The following AS3MT variants were observed in gnomAD, a reference collection of about 807,000 sequenced individuals.
The protein encoded by AS3MT is arsenite methyltransferase.
A neutral mutation model predicts 45.3 loss-of-function variants in AS3MT; 47 were observed. The observed-to-expected ratio is 1.04, with a 90% CI of 0.82 to 1.32. AS3MT has a LOEUF of 1.32. Ranked by LOEUF, AS3MT falls within the 40% of genes most tolerant of loss-of-function variation. The probability of loss-of-function intolerance (pLI) is 0.00; values close to 1 mark genes in which losing one functional copy is unlikely to be tolerated. For missense variants in AS3MT, 396 were observed against 451.1 expected (o/e 0.88, Z 1.11); for synonymous variants, 141 against 152.8 (o/e 0.92, Z 0.57).
At chr10:102,890,070 G>A (rs543993796) in intron 9 of AS3MT, among the ~76,000 whole-genome samples, 2 of 146,392 alleles carry the variant, frequency 1.4e-5, no homozygotes, top group African/African-American at 5.1e-5. Context: ...GCACGATCTC[G>A]GCTCACTGCA....
Position 102,869,807 on chromosome 10 carries a change from G to A in AS3MT, c.4G>A (p.Ala2Thr), listed in dbSNP as rs1844646401. ...ACTAACTTTCCCGCTCCCGACAGTG[G>A]CTGCACTTCGTGACGCTGAGATACA... M[A>T]ALRDAEIQKD... Residue 2 changes from alanine (A) to threonine (T), a missense_variant and splice_region_variant, in exon 2 of 11, where the codon GCT becomes ACT. Physicochemically the swap from Ala to Thr is moderately conservative, Grantham distance 58. Transcript: ENST00000369880. 2 of 1,614,132 alleles carry A rather than the reference G, an allele frequency of 1.2e-6. No individual in the cohort carries two copies. The highest frequency in any genetic ancestry group is 1.7e-6 in the Non-Finnish European group (2 of 1,180,048).
rs368852664 is a variant in AS3MT, at chr10:102,885,390, G to A, written c.886-5154G>A. On this transcript the variant is annotated intron_variant, in intron 9 of 10. Transcript: ENST00000369880. ...GTCTCCCAGGTTGGAGTGCAGTGGCGTGATCTTGGCTCACTGAAACCTCCG... is the reference window on the plus strand; with the variant it reads ...GTCTCCCAGGTTGGAGTGCAGTGGCATGATCTTGGCTCACTGAAACCTCCG... Among the ~76,000 whole-genome samples, 12 of 151,242 alleles carry A rather than the reference G, an allele frequency of 7.9e-5. No individual in the cohort carries two copies. The East Asian group carries it at 1.9e-3, about 24-fold the overall frequency.
intron 10 of AS3MT, among the ~76,000 whole-genome samples, chr10:102,893,564 C>T (rs1193340575): frequency 2.0e-5 from 3 of 150,284 alleles, no homozygotes; most frequent in Admixed American, 6.7e-5. Context: ...GGTGCGACCT[C>T]GGCTCACTGC....
intron 9 of AS3MT, among the ~76,000 whole-genome samples, chr10:102,886,677 GC>G (rs1844963707): frequency 1.3e-5 from 2 of 152,028 alleles, no homozygotes; most frequent in African/African-American, 4.8e-5. Flanking sequence ...GGACTGGAGT[GC>G]AGTGGTGCAA....
chr10:102,893,647 CACCA>C (rs1845113479), intron 10 of AS3MT, among the ~76,000 whole-genome samples: 1 of 152,110 alleles, frequency 6.6e-6, no homozygotes, highest in Non-Finnish European at 1.5e-5. Flanking sequence ...AGGTGCGTGC[CACCA>C]TGCCTGGCTA....
At chr10:102,869,671 C>T in intron 1 of AS3MT, 78 bp downstream of exon 1, 2 of 1,601,270 alleles carry the variant, frequency 1.2e-6, no homozygotes, top group East Asian at 4.5e-5. Flanking sequence ...ACGCGAGCGC[C>T]TCCCCCGAGC....
At chr10:102,879,648 A>G (rs1844842195) in intron 9 of AS3MT, among the ~76,000 whole-genome samples, 1 of 151,682 alleles carries the variant, frequency 6.6e-6, no homozygotes, top group South Asian at 2.1e-4. Context: ...GGGTGCCTGT[A>G]ATCCCAACTA....
chr10:102,888,390 G>T (rs866714004), intron 9 of AS3MT, among the ~76,000 whole-genome samples: 3 of 151,950 alleles, frequency 2.0e-5, no homozygotes, highest in Admixed American at 6.6e-5. Flanking sequence ...GTGTAATTGG[G>T]ATACCTATCA....
chr10:102,879,441 A>G (rs1844839046), intron 9 of AS3MT, among the ~76,000 whole-genome samples: 1 of 151,850 alleles, frequency 6.6e-6, no homozygotes, highest in Admixed American at 6.6e-5. Context: ...ACAGGCGTGA[A>G]CCACCGTGCC....
Position 102,878,969 on chromosome 10 carries a change from T to G in AS3MT, c.863T>G (p.Phe288Cys). The change falls in exon 9 of 11, where the codon TTT becomes TGT. Residue 288 changes from phenylalanine to cysteine, a missense_variant. Coordinates refer to ENST00000369880, the MANE Select transcript of AS3MT (RefSeq NM_020682.4). ...GITGHEKELM[F>C]DANFTFKEGE... ...ACAGGACATGAAAAAGAACTAATGT[T>G]TGATGCCAATTTTACATTTAAGGTA... The G allele has an allele frequency of 4.3e-6, 7 of 1,612,136 alleles. No homozygotes were observed. The highest frequency in any genetic ancestry group is 5.9e-6 in the Non-Finnish European group (7 of 1,179,198).
In AS3MT at chr10:102,882,753, G is replaced by A. The variant is rs139323231; in HGVS notation, c.885+3762G>A. Among the ~76,000 whole-genome samples, 623 of 152,110 alleles carry A rather than the reference G, an allele frequency of 4.1e-3. 1 individual carries two copies. Among genetic ancestry groups the A allele is most frequent in the Non-Finnish European group, 6.0e-3 (407 of 68,006 alleles). ...TTACAGGCGTGTGCCACCACACCCA[G>A]CTAATTTTTATATTTTTATTAGAGA... On this transcript the variant is annotated intron_variant, in intron 9 of 10. Coordinates refer to ENST00000369880, the MANE Select transcript of AS3MT (RefSeq NM_020682.4).
intron 9 of AS3MT, among the ~76,000 whole-genome samples, chr10:102,886,770 C>A (rs1019804186): frequency 2.0e-5 from 3 of 151,998 alleles, no homozygotes; most frequent in African/African-American, 7.3e-5. Flanking sequence ...ACTAAGGCTA[C>A]CATGCCTGGC....
chr10:102,895,778 C>CT (rs34570460), intron 10 of AS3MT, among the ~76,000 whole-genome samples: 16,149 of 142,912 alleles, frequency 0.11, 872 homozygotes, highest in Middle Eastern at 0.18. Flanking sequence ...ATAATACCAG[C>CT]TTTTTTTTTT....
chr10:102,870,314 C>T (rs189637445), intron 3 of AS3MT, 103 bp downstream of exon 3: 1 of 1,403,810 alleles, frequency 7.1e-7, no homozygotes, highest in East Asian at 2.3e-5. Flanking sequence ...ACCAACCCAT[C>T]AGCTTGCCTT....
chr10:102,891,803 A>T (rs1308330808), intron 10 of AS3MT, among the ~76,000 whole-genome samples: 1 of 151,952 alleles, frequency 6.6e-6, no homozygotes, highest in Non-Finnish European at 1.5e-5. Context: ...CAAAAAAATT[A>T]TCTGGGTATG....
chr10:102,894,490 G>T (rs1378595712), intron 10 of AS3MT, among the ~76,000 whole-genome samples: 1 of 151,706 alleles, frequency 6.6e-6, no homozygotes, highest in Non-Finnish European at 1.5e-5. Context: ...CATCTGAACG[G>T]ACCCCTCCTG....
intron 9 of AS3MT, among the ~76,000 whole-genome samples, chr10:102,879,799 A>C (rs1844845691): frequency 6.6e-6 from 1 of 151,140 alleles, no homozygotes; most frequent in Non-Finnish European, 1.5e-5. Context: ...AAGTTTTTGA[A>C]TACAGAAAAG....
chr10:102,897,917 C>G (rs1845204730), intron 10 of AS3MT, among the ~76,000 whole-genome samples: 1 of 152,200 alleles, frequency 6.6e-6, no homozygotes, highest in Admixed American at 6.6e-5. Flanking sequence ...TTGTAAAATT[C>G]CACATATTTG....
chr10:102,874,826 A>T (rs1844755703), intron 6 of AS3MT, among the ~76,000 whole-genome samples, 165 bp downstream of exon 6: 1 of 152,166 alleles, frequency 6.6e-6, no homozygotes, highest in Non-Finnish European at 1.5e-5. Context: ...CCGGATATGG[A>T]TTACTTTCCC....
Sources: gnomAD v4.1 joint callset for allele counts (sites outside exome capture counted in the v4.1 genomes callset) on GRCh38, gnomAD v4.1.1 for gene constraint, MANE v1.5 for transcripts, NCBI Gene and HGNC (gene_info 2026-07-23, HGNC 2026-07-21) for gene names.